PTPRM: variants seen among roughly 807,000 people sequenced by gnomAD.
The protein encoded by PTPRM is receptor-type tyrosine-protein phosphatase mu.
PTPRM carries 47 observed loss-of-function variants against 186.7 expected under a neutral mutation model. The observed-to-expected ratio is 0.25, with a 90% CI of 0.20 to 0.32. The LOEUF is 0.32. Ranked by LOEUF, PTPRM falls within the 10% of genes least tolerant of loss-of-function variation. The pLI is 1.00. For missense variants in PTPRM, 1,494 were observed against 1,865.0 expected, an observed-to-expected ratio of 0.80 and a Z score of 3.66; for synonymous variants, 668 against 674.9, an observed-to-expected ratio of 0.99 and a Z score of 0.16.
intron 1 of PTPRM, among the ~76,000 whole-genome samples, chr18:7,627,895 A>G (rs1293888618): frequency 6.6e-6 from 1 of 152,204 alleles, no homozygotes; most frequent in East Asian, 1.9e-4. Context: ...AAGGAGTTCC[A>G]TTGATTCCAA....
At chr18:8,200,804 T>C (rs1426875578) in intron 14 of PTPRM, among the ~76,000 whole-genome samples, 1 of 152,234 alleles carries the variant, frequency 6.6e-6, no homozygotes, top group Non-Finnish European at 1.5e-5. Context: ...TTTCTGTATA[T>C]GTGTGAGAAA....
intron 20 of PTPRM, among the ~76,000 whole-genome samples, chr18:8,297,305 G>A (rs147953246): frequency 2.6e-5 from 4 of 152,334 alleles, no homozygotes; most frequent in East Asian, 1.9e-4. Context: ...CATTTCTTAC[G>A]AGAGAACAAA....
intron 2 of PTPRM, among the ~76,000 whole-genome samples, chr18:7,779,663 A>G (rs1488491875): frequency 5.3e-5 from 8 of 152,190 alleles, no homozygotes; most frequent in Admixed American, 2.0e-4. Context: ...AGAGAGTAAC[A>G]AAGAGAAGAT....
intron 13 of PTPRM, among the ~76,000 whole-genome samples, chr18:8,118,024 G>A (rs1402586949): frequency 2.0e-5 from 3 of 152,014 alleles, no homozygotes; most frequent in Non-Finnish European, 4.4e-5. Flanking sequence ...TAGTAGGGTG[G>A]AAACTCTTTG....
Position 8,189,842 on chromosome 18 carries a change from G to A in PTPRM, c.2300+46063G>A, listed in dbSNP as rs74357889. On this transcript the variant is annotated intron_variant, in intron 14 of 32. Transcript: ENST00000580170. Reference sequence around the variant, plus strand: ...GTGTTCGTCAGTTTATTTTATTGACGTATAATTTGTTTGCATTTAAAATTC... The same window carrying A: ...GTGTTCGTCAGTTTATTTTATTGACATATAATTTGTTTGCATTTAAAATTC... Among the ~76,000 whole-genome samples, 1,365 of 152,310 alleles carry A rather than the reference G, an allele frequency of 9.0e-3. 6 individuals carry two copies. Among genetic ancestry groups the A allele is most frequent in the Non-Finnish European group, 0.016 (1,082 of 68,020 alleles).
intron 23 of PTPRM, among the ~76,000 whole-genome samples, chr18:8,346,394 G>A (rs1324444950): frequency 2.0e-5 from 3 of 152,254 alleles, no homozygotes; most frequent in Admixed American, 6.5e-5. Context: ...ACCTTCTTGC[G>A]GCAACCTCAC....
At chr18:8,280,404 C>T (rs1184763860) in intron 19 of PTPRM, among the ~76,000 whole-genome samples, 1 of 36,530 alleles carries the variant, frequency 2.7e-5, no homozygotes, top group Non-Finnish European at 5.4e-5. Context: ...AATTTGTGGT[C>T]GGGGGTGGGG....
chr18:7,632,114 A>G (rs1350279251), intron 1 of PTPRM, among the ~76,000 whole-genome samples: 1 of 152,220 alleles, frequency 6.6e-6, no homozygotes, highest in Non-Finnish European at 1.5e-5. Flanking sequence ...CCAGTATGGA[A>G]TCAGCACAAG....
At chr18:7,762,436 A>G (rs2041820653) in intron 1 of PTPRM, among the ~76,000 whole-genome samples, 2 of 152,270 alleles carry the variant, frequency 1.3e-5, no homozygotes, top group South Asian at 2.1e-4. Context: ...GGGAATTACT[A>G]GAGTGTAAAA....
chr18:7,879,477 G>A (rs2048395212), intron 2 of PTPRM, among the ~76,000 whole-genome samples: 2 of 152,128 alleles, frequency 1.3e-5, no homozygotes, highest in African/African-American at 4.8e-5. Context: ...TGTCTCGTTT[G>A]TAGTTCTCAA....
chr18:7,776,005 C>T (rs2042564173), intron 2 of PTPRM, among the ~76,000 whole-genome samples: 1 of 152,124 alleles, frequency 6.6e-6, no homozygotes, highest in Admixed American at 6.5e-5. Context: ...TAGTAAAGTT[C>T]AAAGCCCAGG....
At position 7,683,602 on chromosome 18, in the gene PTPRM, T is replaced by C. The variant is rs146132211; in HGVS notation, c.74-90547T>C. The stretch of plus-strand genomic sequence containing the variant: ...GAATGACTTCCCAAAGTCACTCTTT[T>C]CTGTGGGAAGAGACCTAGAAATCCT... On this transcript the variant is annotated intron_variant, in intron 1 of 32. Coordinates refer to ENST00000580170, the MANE Select transcript of PTPRM (RefSeq NM_001105244.2). Among the ~76,000 whole-genome samples, 11 of 152,346 alleles carry C rather than the reference T, an allele frequency of 7.2e-5. No individual in the cohort carries two copies. In the East Asian group the frequency reaches 2.1e-3, roughly 29 times the overall value.
chr18:7,860,526 C>T (rs1021109452), intron 2 of PTPRM, among the ~76,000 whole-genome samples: 3 of 152,258 alleles, frequency 2.0e-5, no homozygotes, highest in African/African-American at 7.2e-5. Context: ...CTGGTATATG[C>T]AACTTGGGAA....
intron 6 of PTPRM, among the ~76,000 whole-genome samples, chr18:7,951,277 A>G (rs1277071813): frequency 6.6e-6 from 1 of 152,206 alleles, no homozygotes; most frequent in East Asian, 1.9e-4. Flanking sequence ...AGAGTTCATC[A>G]TTATCATCAT....
intron 14 of PTPRM, among the ~76,000 whole-genome samples, chr18:8,153,128 G>A (rs2093048519): frequency 6.6e-6 from 1 of 152,114 alleles, no homozygotes; most frequent in Non-Finnish European, 1.5e-5. Context: ...AAGTCCTAAG[G>A]AACAATAGGC....
chr18:8,406,407 T>A lies in PTPRM; in HGVS notation c.*245T>A. 1.9e-6 allele frequency: 1 copy of A among 515,442 alleles called. No individual in the cohort carries two copies. 31.9% of individuals were successfully genotyped at this position (515,442 alleles called of 1,614,324 possible). A position where few individuals can be genotyped will look rare whatever the true frequency, so the allele number is the denominator to read the frequency against. The stretch of plus-strand genomic sequence containing the variant: ...AATCCCGTACTCCTTGCCACCGGCT[T>A]CCTAGAGCAGCGTAGACAGCTGGTA... On this transcript the variant is annotated 3_prime_UTR_variant, in exon 33 of 33. Coordinates refer to ENST00000580170, the MANE Select transcript of PTPRM (RefSeq NM_001105244.2).
intron 13 of PTPRM, among the ~76,000 whole-genome samples, chr18:8,118,142 T>C (rs1042979263): frequency 1.3e-5 from 2 of 152,198 alleles, no homozygotes; most frequent in African/African-American, 2.4e-5. Context: ...GAATGAGGTC[T>C]ATTCATTCTA....
At chr18:7,681,497 T>A (rs1018735521) in intron 1 of PTPRM, among the ~76,000 whole-genome samples, 1 of 152,204 alleles carries the variant, frequency 6.6e-6, no homozygotes, top group South Asian at 2.1e-4. Context: ...CTCATGATGA[T>A]GTTTTTAGCA....
intron 3 of PTPRM, among the ~76,000 whole-genome samples, chr18:7,897,151 G>A (rs1376699572): frequency 6.6e-6 from 1 of 152,172 alleles, no homozygotes; most frequent in Admixed American, 6.5e-5. Flanking sequence ...GAACTGCTTC[G>A]TTCTGCAGGC....
Sources: gnomAD v4.1 joint callset for allele counts (sites outside exome capture counted in the v4.1 genomes callset) on GRCh38, gnomAD v4.1.1 for gene constraint, MANE v1.5 for transcripts, NCBI Gene and HGNC (gene_info 2026-07-23, HGNC 2026-07-21) for gene names.